Variants in ASB18 observed in about 807,000 individuals in gnomAD.
ASB18 encodes ankyrin repeat and SOCS box containing 18.
A neutral mutation model predicts 33.4 loss-of-function variants in ASB18; 33 were observed. That is an observed-to-expected ratio of 0.99 (90% confidence interval 0.75 to 1.32). The LOEUF is 1.32. Ranked by LOEUF, ASB18 falls within the 40% of genes most tolerant of loss-of-function variation. The pLI is 0.00. For missense variants in ASB18, 694 were observed against 655.5 expected, an observed-to-expected ratio of 1.06 and a Z score of -0.64; for synonymous variants, 295 against 307.6, an observed-to-expected ratio of 0.96 and a Z score of 0.43.
chr2:236,199,194 C>T (rs2060387532), intron 4 of ASB18, among the ~76,000 whole-genome samples: 1 of 151,910 alleles, frequency 6.6e-6, no homozygotes, highest in South Asian at 2.1e-4. Context: ...AGTGGATTAC[C>T]TGAGGTCAGG....
intron 4 of ASB18, among the ~76,000 whole-genome samples, chr2:236,198,681 A>G (rs947873575): frequency 6.6e-6 from 1 of 151,966 alleles, no homozygotes; most frequent in African/African-American, 2.4e-5. Flanking sequence ...TGGACTATTT[A>G]CTTTTGTTTT....
At chr2:236,258,752 C>G (rs2060704508) in intron 1 of ASB18, among the ~76,000 whole-genome samples, 1 of 152,194 alleles carries the variant, frequency 6.6e-6, no homozygotes, top group African/African-American at 2.4e-5. Flanking sequence ...TTTACCCACA[C>G]TCATTCCCCA....
At position 236,200,136 on chromosome 2, in the gene ASB18, C is replaced by A. The variant is rs1002416454; in HGVS notation, c.1102-3751G>T. On this transcript the variant is annotated intron_variant, in intron 4 of 5. Transcript: ENST00000409749. This position sits in a 1 kb window ranked among gnomAD's most constrained non-coding sequence, Gnocchi z 4.2. ...CCGAGGTGGGTGGATCACCTGAGGT[C>A]AGGAGTTCGATACTAGCCTGGCCAA... Among the ~76,000 whole-genome samples the A allele has an allele frequency of 1.3e-5, 2 of 152,134 alleles. No individual in the cohort carries two copies. The highest frequency in any genetic ancestry group is 6.6e-5 in the Admixed American group (1 of 15,262).
chr2:236,211,643 T>C lies in ASB18; in HGVS notation c.1101+2719A>G, dbSNP rs572977440. Among the ~76,000 whole-genome samples, 15 of 152,364 alleles carry C rather than the reference T, an allele frequency of 9.8e-5. No homozygotes were observed. The highest frequency in any genetic ancestry group is 3.6e-4 in the African/African-American group (15 of 41,604). ...GGTGCCTGCCCAGCATCTTTGTGGC[T>C]GGCTGCAGCGTCTGTTGCTTTGATG... On this transcript the variant is annotated intron_variant, in intron 4 of 5. Coordinates refer to ENST00000409749, the MANE Select transcript of ASB18 (RefSeq NM_212556.4). This position sits in a 1 kb window ranked among gnomAD's most constrained non-coding sequence, Gnocchi z 5.0.
rs1017117731 is a variant in ASB18 at position 236,204,306 on chromosome 2, T to C, written c.1102-7921A>G. 6.6e-6 allele frequency among the ~76,000 whole-genome samples: 1 copy of C among 152,150 alleles called. No individual in the cohort carries two copies. Among genetic ancestry groups the C allele is most frequent in the East Asian group, 1.9e-4 (1 of 5,192 alleles). ...AGCCACGCCTGACATGTTGACGATG[T>C]CTTCCACCTCAATGCAGCCTTCACT... On this transcript the variant is annotated intron_variant, in intron 4 of 5. Coordinates refer to ENST00000409749, the MANE Select transcript of ASB18 (RefSeq NM_212556.4). This position sits in a 1 kb window ranked among gnomAD's most constrained non-coding sequence, Gnocchi z 5.1.
Position 236,196,336 on chromosome 2 carries a change from T to C in ASB18, c.1151A>G (p.Asn384Ser), listed in dbSNP as rs1345944644. 2.6e-6 allele frequency: 4 copies of C among 1,567,554 alleles called. No homozygotes were observed. The highest frequency in any genetic ancestry group is 2.4e-5 in the East Asian group (1 of 42,210). ...SVPAVIEVLFNSYPQLCLSES... is the reference protein window; with the variant it reads ...SVPAVIEVLFSSYPQLCLSES... Reference sequence around the variant, plus strand: ...TGACAAGCAGAGCTGAGGGTAGGAGTTGAAAAGCACCTCGATGACTGCGGG... The same window carrying C: ...TGACAAGCAGAGCTGAGGGTAGGAGCTGAAAAGCACCTCGATGACTGCGGG... The change falls in exon 5 of 6, where the codon AAC becomes AGC. Residue 384 changes from asparagine (N) to serine (S), a missense_variant. Physicochemically the swap from Asn to Ser is conservative, Grantham distance 46. Transcript: ENST00000409749. This position sits in a 1 kb window ranked among gnomAD's most constrained non-coding sequence, Gnocchi z 5.6.
rs2060513938 is a variant in ASB18 at position 236,221,745 on chromosome 2, T to C, written c.597-6879A>G. Among the ~76,000 whole-genome samples the C allele has an allele frequency of 6.6e-6, 1 of 152,184 alleles. No individual in the cohort carries two copies. Among genetic ancestry groups the C allele is most frequent in the Non-Finnish European group, 1.5e-5 (1 of 68,032 alleles). On this transcript the variant is annotated intron_variant, in intron 3 of 5. Coordinates refer to ENST00000409749, the MANE Select transcript of ASB18 (RefSeq NM_212556.4). The surrounding 1 kb of genome is among the most constrained non-coding windows in gnomAD (Gnocchi z 5.6). ...GGGCAATCCTGAGCTCCCTCTCCTG[T>C]TCTCCTTATGTGACTGCTCCTGGAA... is the stretch of plus-strand genomic sequence containing the variant.
intron 4 of ASB18, among the ~76,000 whole-genome samples, chr2:236,201,176 G>C (rs2060399810): frequency 6.6e-6 from 1 of 151,534 alleles, no homozygotes; most frequent in Non-Finnish European, 1.5e-5. Context: ...TTTTGAGACA[G>C]GGTCTTGCTC....
chr2:236,234,091 CT>C lies in ASB18; in HGVS notation c.596+3597del, dbSNP rs2060578602. Reference sequence around the variant, plus strand: ...AGAATAGAGATGAAGGGGGATGGCTCTGCCATGGCACCTTGGTGACCCTGCA... The same window carrying C: ...AGAATAGAGATGAAGGGGGATGGCTCGCCATGGCACCTTGGTGACCCTGCA... On this transcript the variant is annotated intron_variant, in intron 3 of 5. Transcript: ENST00000409749. The surrounding 1 kb of genome is among the most constrained non-coding windows in gnomAD (Gnocchi z 4.1). 6.6e-6 allele frequency among the ~76,000 whole-genome samples: 1 copy of C among 152,218 alleles called. No individual in the cohort carries two copies. The highest frequency in any genetic ancestry group is 2.1e-4 in the South Asian group (1 of 4,826).
In ASB18 at chr2:236,195,096, T is replaced by G. The variant is rs771786134; in HGVS notation, c.1216-39A>C. On this transcript the variant is annotated intron_variant, in intron 5 of 5. Coordinates refer to ENST00000409749, the MANE Select transcript of ASB18 (RefSeq NM_212556.4). The surrounding 1 kb of genome is among the most constrained non-coding windows in gnomAD (Gnocchi z 5.5). ...CAGGTGGATTAGAAATCTGGGCACG[T>G]GGAACCAACATACGTTTTCTTCTTA... 7 of 1,573,472 alleles carry G rather than the reference T, an allele frequency of 4.4e-6. No homozygotes were observed. The highest frequency in any genetic ancestry group is 6.1e-6 in the Non-Finnish European group (7 of 1,153,564).
In ASB18 at chr2:236,253,701, A is replaced by G. The variant is rs1280272620; in HGVS notation, c.205+10440T>C. The G allele has an allele frequency of 6.6e-6, 1 of 152,180 alleles. No homozygotes were observed. Among genetic ancestry groups the G allele is most frequent in the Non-Finnish European group, 1.5e-5 (1 of 68,044 alleles). 9.4% of individuals were successfully genotyped at this position (152,180 alleles called of 1,614,324 possible). ...CTTCACCTGGTCTGATTCTCTTTCA[A>G]AATACAATGAAATTAGTTACCGGCA... On this transcript the variant is annotated intron_variant, in intron 1 of 5. Coordinates refer to ENST00000409749, the MANE Select transcript of ASB18 (RefSeq NM_212556.4). The surrounding 1 kb of genome is among the most constrained non-coding windows in gnomAD (Gnocchi z 5.4).
In ASB18 at chr2:236,217,428, T is replaced by A. The variant is rs944248275; in HGVS notation, c.597-2562A>T. On this transcript the variant is annotated intron_variant, in intron 3 of 5. Coordinates refer to ENST00000409749, the MANE Select transcript of ASB18 (RefSeq NM_212556.4). This position sits in a 1 kb window ranked among gnomAD's most constrained non-coding sequence, Gnocchi z 5.2. ...ACTCTGTCTCAAAAAAAAAAAAAAATAAATCTTGGCACCTTCAACTCCTTG... is the reference window on the plus strand; with the variant it reads ...ACTCTGTCTCAAAAAAAAAAAAAAAAAAATCTTGGCACCTTCAACTCCTTG... Among the ~76,000 whole-genome samples, 19 of 129,304 alleles carry A rather than the reference T, an allele frequency of 1.5e-4. No homozygotes were observed. In the East Asian group the frequency reaches 1.6e-3, roughly 11 times the overall value. 84.8% of individuals were successfully genotyped at this position (129,304 alleles called of 152,430 possible).
rs1310218591 is a variant in ASB18 at position 236,255,262 on chromosome 2, G to GC, written c.205+8878dup. 1.3e-5 allele frequency among the ~76,000 whole-genome samples: 2 copies of GC among 152,090 alleles called. No individual in the cohort carries two copies. Among genetic ancestry groups the GC allele is most frequent in the Non-Finnish European group, 2.9e-5 (2 of 68,030 alleles). On this transcript the variant is annotated intron_variant, in intron 1 of 5. Transcript: ENST00000409749. The surrounding 1 kb of genome is among the most constrained non-coding windows in gnomAD (Gnocchi z 4.4). ...AGGTTCAAGCGATTCTCCTGCCTCA[G>GC]CCTCTTGAGTAGCTGAAATTACAGG...
intron 1 of ASB18, among the ~76,000 whole-genome samples, chr2:236,242,192 A>T (rs1363134372): frequency 6.6e-6 from 1 of 152,112 alleles, no homozygotes; most frequent in African/African-American, 2.4e-5. Flanking sequence ...ATTGGAACCC[A>T]TGTGCGTCTG....
rs929555992 is a variant in ASB18 at position 236,200,673 on chromosome 2, C to T, written c.1102-4288G>A. 3.3e-5 allele frequency among the ~76,000 whole-genome samples: 5 copies of T among 152,110 alleles called. No homozygotes were observed. The highest frequency in any genetic ancestry group is 1.3e-4 in the Admixed American group (2 of 15,270). ...TATACCCAGCTGGAAGGCAGAGGGC[C>T]GAGAGCTGTAGAATGAGGTCCATAC... On this transcript the variant is annotated intron_variant, in intron 4 of 5. Transcript: ENST00000409749. The surrounding 1 kb of genome is among the most constrained non-coding windows in gnomAD (Gnocchi z 4.2).
chr2:236,246,907 C>G (rs13412808), intron 1 of ASB18, among the ~76,000 whole-genome samples: 8,246 of 152,256 alleles, frequency 0.054, 472 homozygotes, highest in African/African-American at 0.14. Flanking sequence ...ATAATCTGAT[C>G]CAACTGTGTT....
At chr2:236,218,038 A>G (rs1430914152) in intron 3 of ASB18, among the ~76,000 whole-genome samples, 4 of 152,188 alleles carry the variant, frequency 2.6e-5, no homozygotes, top group Non-Finnish European at 4.4e-5. Flanking sequence ...CAGCCTCTCT[A>G]AAGAAGTCCA....
At position 236,237,665 on chromosome 2, in the gene ASB18, G is replaced by A. The variant is rs778541723; in HGVS notation, c.596+24C>T. 3 of 1,387,598 alleles carry A rather than the reference G, an allele frequency of 2.2e-6. No homozygotes were observed. Among genetic ancestry groups the A allele is most frequent in the Non-Finnish European group, 2.8e-6 (3 of 1,078,662 alleles). The allele number at this position is 1,387,598 out of a possible 1,614,324, so 86.0% of individuals were successfully genotyped here. A position where few individuals can be genotyped will look rare whatever the true frequency, so the allele number is the denominator to read the frequency against. ...CTGGTCTCGGGGCGGGGCGGACGCC[G>A]CGGGCCTGTCCCGAGGTCCTTACCC... is the stretch of plus-strand genomic sequence containing the variant. On this transcript the variant is annotated intron_variant, in intron 3 of 5. Transcript: ENST00000409749. This position sits in a 1 kb window ranked among gnomAD's most constrained non-coding sequence, Gnocchi z 6.2.
In ASB18 at chr2:236,194,437, T is replaced by C. The variant is rs955871778; in HGVS notation, c.*435A>G. 1.3e-5 allele frequency among the ~76,000 whole-genome samples: 2 copies of C among 152,262 alleles called. No individual in the cohort carries two copies. Among genetic ancestry groups the C allele is most frequent in the African/African-American group, 4.8e-5 (2 of 41,466 alleles). ...GTCTTTATTTAGAAGTGTGGTGATC[T>C]TTTTGTGACCAGAAATATGCTGTAG... On this transcript the variant is annotated 3_prime_UTR_variant, in exon 6 of 6. Transcript: ENST00000409749. This position sits in a 1 kb window ranked among gnomAD's most constrained non-coding sequence, Gnocchi z 4.5.
Sources: allele counts gnomAD v4.1 joint callset (sites outside exome capture counted in the v4.1 genomes callset), GRCh38; gene constraint gnomAD v4.1.1; non-coding constraint Gnocchi (gnomAD v3.1); transcripts MANE v1.5; gene names NCBI Gene and HGNC (gene_info 2026-07-23, HGNC 2026-07-21).